CSMD1: variants seen among roughly 807,000 people sequenced by gnomAD.
CSMD1 encodes the protein CUB and sushi domain-containing protein 1.
A neutral mutation model predicts 417.5 loss-of-function variants in CSMD1; 213 were observed. That is an observed-to-expected ratio of 0.51 (90% CI 0.46 to 0.57). CSMD1 has a LOEUF of 0.57. Among genes scored for constraint, CSMD1 ranks in the 20% least tolerant of loss-of-function variants. The probability of loss-of-function intolerance (pLI) is 0.00; values close to 1 mark genes in which losing one functional copy is unlikely to be tolerated. For synonymous variants in CSMD1, 2,862 were observed against 1,736.8 expected, an observed-to-expected ratio of 1.65 and a Z score of -16.11; for missense variants, 6,923 against 4,529.7, an observed-to-expected ratio of 1.53 and a Z score of -15.17.
At chr8:4,977,464 GA>G in intron 1 of CSMD1, among the ~76,000 whole-genome samples, 1 of 152,172 alleles carries the variant, frequency 6.6e-6, no homozygotes, top group East Asian at 1.9e-4. Flanking sequence ...TGCACATTGG[GA>G]AAGAAGGTCT....
chr8:3,378,981 T>A (rs1223931925), intron 18 of CSMD1, among the ~76,000 whole-genome samples: 1 of 152,216 alleles, frequency 6.6e-6, no homozygotes, highest in Non-Finnish European at 1.5e-5. Context: ...ATGACATGAT[T>A]GTATATTTAG....
intron 1 of CSMD1, among the ~76,000 whole-genome samples, chr8:4,662,227 T>A (rs1352053674): frequency 6.6e-6 from 1 of 152,192 alleles, no homozygotes; most frequent in South Asian, 2.1e-4. Context: ...TATGCTATAA[T>A]GATTTTTTAT....
chr8:4,626,298 T>C (rs1174665271), intron 2 of CSMD1, among the ~76,000 whole-genome samples: 5 of 152,134 alleles, frequency 3.3e-5, no homozygotes, highest in Admixed American at 6.6e-5. Flanking sequence ...AGCCTGTTCA[T>C]TGCGGGGGGC....
At chr8:4,861,568 A>G (rs753074798) in intron 1 of CSMD1, among the ~76,000 whole-genome samples, 25 of 152,130 alleles carry the variant, frequency 1.6e-4, no homozygotes, top group Non-Finnish European at 2.8e-4. Context: ...AAATGCAAAC[A>G]CTATTTAGGA....
intron 1 of CSMD1, among the ~76,000 whole-genome samples, chr8:4,911,373 G>C (rs764709449): frequency 2.0e-5 from 3 of 152,178 alleles, no homozygotes; most frequent in Non-Finnish European, 2.9e-5. Context: ...CTGGGGAAAA[G>C]TCTGTTGGTC....
intron 3 of CSMD1, among the ~76,000 whole-genome samples, chr8:4,103,735 G>A (rs565295797): frequency 1.3e-5 from 2 of 152,234 alleles, no homozygotes; most frequent in South Asian, 4.1e-4. Flanking sequence ...TCCAAGACTT[G>A]ATAGTAGGAA....
chr8:3,829,759 T>C (rs905634947), intron 5 of CSMD1, among the ~76,000 whole-genome samples: 4 of 152,196 alleles, frequency 2.6e-5, no homozygotes, highest in Non-Finnish European at 4.4e-5. Context: ...ACCCCAATTA[T>C]GTGATTTCTC....
chr8:3,149,097 TTAAA>T (rs1819031589), intron 40 of CSMD1, among the ~76,000 whole-genome samples: 2 of 152,210 alleles, frequency 1.3e-5, no homozygotes, highest in South Asian at 4.1e-4. Flanking sequence ...CAGTCTTTCT[TTAAA>T]TAGTTTGTTT....
intron 1 of CSMD1, among the ~76,000 whole-genome samples, chr8:4,986,676 C>T (rs117149767): frequency 1.1e-3 from 167 of 151,956 alleles, no homozygotes; most frequent in Non-Finnish European, 1.7e-3. Flanking sequence ...ATAATATAAA[C>T]ATTATGGACA....
intron 17 of CSMD1, among the ~76,000 whole-genome samples, chr8:3,395,412 A>G (rs1811625231): frequency 6.6e-6 from 1 of 152,164 alleles, no homozygotes; most frequent in Non-Finnish European, 1.5e-5. Flanking sequence ...AATGTTAAAA[A>G]TGTATTCCTA....
At chr8:3,149,670 G>A (rs1039761566) in intron 40 of CSMD1, among the ~76,000 whole-genome samples, 5 of 152,256 alleles carry the variant, frequency 3.3e-5, no homozygotes, top group African/African-American at 9.6e-5. Flanking sequence ...TAGAGACGGC[G>A]TTTCATCATG....
intron 65 of CSMD1, among the ~76,000 whole-genome samples, chr8:2,952,672 T>G (rs898342564): frequency 6.8e-6 from 1 of 147,106 alleles, no homozygotes. Context: ...TTAATAGCCT[T>G]TAAAGTACAT....
At chr8:4,269,023 T>C (rs1177713661) in intron 3 of CSMD1, among the ~76,000 whole-genome samples, 1 of 152,176 alleles carries the variant, frequency 6.6e-6, no homozygotes, top group Non-Finnish European at 1.5e-5. Context: ...AAATACACAA[T>C]GAGGTGCATT....
At chr8:3,946,279 T>C (rs1005707199) in intron 5 of CSMD1, among the ~76,000 whole-genome samples, 1 of 152,128 alleles carries the variant, frequency 6.6e-6, no homozygotes, top group African/African-American at 2.4e-5. Flanking sequence ...CACAGTAAAC[T>C]AGTCTCATCT....
At chr8:4,329,384 G>T (rs577632185) in intron 3 of CSMD1, among the ~76,000 whole-genome samples, 1 of 152,042 alleles carries the variant, frequency 6.6e-6, no homozygotes, top group African/African-American at 2.4e-5. Context: ...TGTCTCCCAG[G>T]TACAAGTGAT....
Position 2,970,632 on chromosome 8 carries a change from C to T in CSMD1, c.8923+2485G>A, listed in dbSNP as rs1029852207. On this transcript the variant is annotated intron_variant, in intron 57 of 69. Coordinates refer to ENST00000635120, the MANE Select transcript of CSMD1 (RefSeq NM_033225.6). ...AAAATACTGCCGATGAGTGATCTTT[C>T]AGCCTCTCTGTTTTTAAACAATGGA... Among the ~76,000 whole-genome samples the T allele has an allele frequency of 2.6e-5, 4 of 152,130 alleles. No individual in the cohort carries two copies. The East Asian group carries it at 5.8e-4, about 22-fold the overall frequency.
chr8:3,877,023 T>G (rs1805869067), intron 5 of CSMD1, among the ~76,000 whole-genome samples: 2 of 152,194 alleles, frequency 1.3e-5, no homozygotes, highest in Non-Finnish European at 2.9e-5. Flanking sequence ...AATGTGAGCA[T>G]TTTCATTTCG....
intron 5 of CSMD1, among the ~76,000 whole-genome samples, chr8:3,832,471 T>C (rs937009110): frequency 6.6e-6 from 1 of 152,230 alleles, no homozygotes; most frequent in Non-Finnish European, 1.5e-5. Context: ...TTTTTGTTTC[T>C]TGTTCTAAAT....
At chr8:4,584,249 G>A (rs1024685885) in intron 2 of CSMD1, among the ~76,000 whole-genome samples, 2 of 151,940 alleles carry the variant, frequency 1.3e-5, no homozygotes, top group Admixed American at 6.6e-5. Flanking sequence ...ACATTTTGGC[G>A]ACCACGAAGG....
Sources: allele counts gnomAD v4.1 joint callset (sites outside exome capture counted in the v4.1 genomes callset), GRCh38; gene constraint gnomAD v4.1.1; transcripts MANE v1.5; gene names NCBI Gene and HGNC (gene_info 2026-07-23, HGNC 2026-07-21).